The following DCP1B variants were observed in gnomAD, a reference collection of about 807,000 sequenced individuals.
DCP1B encodes the protein decapping mRNA 1B, also known as mRNA-decapping enzyme 1B.
DCP1B carries 47 observed loss-of-function variants against 60.5 expected under a neutral mutation model. That is an observed-to-expected ratio of 0.78 (90% CI 0.61 to 0.99). DCP1B has a LOEUF of 0.99. Ranked by LOEUF, DCP1B falls within the 50% of genes least tolerant of loss-of-function variation. The pLI is 0.00. For synonymous variants in DCP1B, 267 were observed against 280.3 expected (o/e 0.95, Z 0.47); for missense variants, 725 against 756.8 (o/e 0.96, Z 0.49).
chr12:1,956,166 A>T (rs2030878899), intron 5 of DCP1B, among the ~76,000 whole-genome samples: 2 of 152,228 alleles, frequency 1.3e-5, no homozygotes, highest in African/African-American at 2.4e-5. Context: ...GAAAGAGACA[A>T]GAGACAAATC....
intron 3 of DCP1B, among the ~76,000 whole-genome samples, chr12:1,969,358 C>T (rs1394950023): frequency 1.3e-5 from 2 of 152,064 alleles, no homozygotes; most frequent in Non-Finnish European, 2.9e-5. Context: ...ACTCACTTGC[C>T]AAAAGGTGGC....
chr12:1,959,640 T>C (rs779688964), intron 5 of DCP1B, among the ~76,000 whole-genome samples: 3 of 152,172 alleles, frequency 2.0e-5, no homozygotes, highest in Non-Finnish European at 4.4e-5. Flanking sequence ...TTGGTGGGAA[T>C]ATTAGTTAGC....
At chr12:1,942,820 C>G (rs769655549), downstream of DCP1B, among the ~76,000 whole-genome samples, 19 of 152,132 alleles carry the variant, frequency 1.2e-4, no homozygotes, top group Non-Finnish European at 2.4e-4. Flanking sequence ...ATTTATAGCA[C>G]TAAAATGCCT....
At chr12:1,946,688 GTTTT>G (rs1028839398) in intron 8 of DCP1B, among the ~76,000 whole-genome samples, 4 of 152,140 alleles carry the variant, frequency 2.6e-5, no homozygotes, top group Non-Finnish European at 5.9e-5. Context: ...GCTGTGGTGT[GTTTT>G]TTTGTTTCTT....
At chr12:1,953,780 G>A (rs1380692167) in intron 6 of DCP1B, among the ~76,000 whole-genome samples, 1 of 152,162 alleles carries the variant, frequency 6.6e-6, no homozygotes, top group Non-Finnish European at 1.5e-5. Flanking sequence ...AATATATACT[G>A]GTAGGATTTA....
At chr12:1,982,473 T>C (rs1448054276) in intron 3 of DCP1B, among the ~76,000 whole-genome samples, 1 of 152,204 alleles carries the variant, frequency 6.6e-6, no homozygotes, top group Non-Finnish European at 1.5e-5. Context: ...AATCATACAA[T>C]ATTTGTTCTT....
At chr12:1,989,099 G>C (rs2038654600) in intron 3 of DCP1B, among the ~76,000 whole-genome samples, 1 of 152,186 alleles carries the variant, frequency 6.6e-6, no homozygotes, top group African/African-American at 2.4e-5. Context: ...AAATATCCCT[G>C]TCAGCTGGGC....
At position 1,949,106 on chromosome 12, in the gene DCP1B, C is replaced by T. The variant is rs1454411348; in HGVS notation, c.1753G>A (p.Ala585Thr). 2.5e-6 allele frequency: 4 copies of T among 1,613,826 alleles called. No individual in the cohort carries two copies. Among genetic ancestry groups the T allele is most frequent in the East Asian group, 2.2e-5 (1 of 44,872 alleles). ...SPLTKLQLQE[A>T]LLYLIQNDDN... The stretch of plus-strand genomic sequence containing the variant: ...CTTACCTGAATGAGGTACAGCAGTG[C>T]CTCCTGGAGCTGGAGCTTGGTGAGT... The change falls in exon 8 of 9, where the codon GCA becomes ACA. Residue 585 changes from alanine (A) to threonine (T), a missense_variant. By Grantham distance (58) the Ala-to-Thr change is moderately conservative. Transcript: ENST00000280665.
intron 2 of DCP1B, among the ~76,000 whole-genome samples, chr12:1,997,434 C>G (rs572206355): frequency 6.6e-6 from 1 of 152,336 alleles, no homozygotes; most frequent in Non-Finnish European, 1.5e-5. Flanking sequence ...GCAGGAGAAT[C>G]ACTTGAACTC....
intron 3 of DCP1B, chr12:1,992,846 T>C: frequency 2.6e-6 from 1 of 390,334 alleles, no homozygotes; most frequent in Non-Finnish European, 4.6e-6. Context: ...TCAAACACTT[T>C]GTCAGCTCAC....
In DCP1B at chr12:1,953,156, C is replaced by T. The variant is rs753546462; in HGVS notation, c.784G>A (p.Glu262Lys). ...QQQQQQQQQQ[E>K]KLPIRQGVVR... Reference sequence around the variant, plus strand: ...ACCCCCTGCCTAATTGGAAGCTTCTCTTGCTGCTGCTGCTGCTGCTGCTGC... The same window carrying T: ...ACCCCCTGCCTAATTGGAAGCTTCTTTTGCTGCTGCTGCTGCTGCTGCTGC... Residue 262 changes from glutamate (E) to lysine (K), a missense_variant, in exon 7 of 9, where the codon GAG (glutamate) becomes AAG (lysine). Physicochemically the swap from Glu to Lys is moderately conservative, Grantham distance 56 (BLOSUM62 1). Coordinates refer to ENST00000280665, the MANE Select transcript of DCP1B (RefSeq NM_152640.5). 6 of 1,562,312 alleles carry T rather than the reference C, an allele frequency of 3.8e-6. No individual in the cohort carries two copies. The highest frequency in any genetic ancestry group is 5.2e-6 in the Non-Finnish European group (6 of 1,159,278).
At chr12:1,980,443 T>C (rs1455195114) in intron 3 of DCP1B, among the ~76,000 whole-genome samples, 1 of 152,150 alleles carries the variant, frequency 6.6e-6, no homozygotes, top group Non-Finnish European at 1.5e-5. Flanking sequence ...CTGTTGTTAA[T>C]TTCTAAGTGT....
chr12:1,965,504 T>C (rs537730693), intron 5 of DCP1B, 54 bp downstream of exon 5: 21 of 1,526,846 alleles, frequency 1.4e-5, no homozygotes, highest in Non-Finnish European at 1.8e-5. Context: ...AACAAGAATA[T>C]TCCCACTGCG....
intron 2 of DCP1B, among the ~76,000 whole-genome samples, chr12:1,994,665 G>A (rs1373827596): frequency 1.3e-5 from 2 of 152,164 alleles, no homozygotes; most frequent in Non-Finnish European, 2.9e-5. Flanking sequence ...AGAAAGGAAG[G>A]CATGGGAGGA....
rs181969069 is a variant in DCP1B at position 1,952,763 on chromosome 12, G to A, written c.1177C>T (p.Pro393Ser). 2.0e-5 allele frequency: 33 copies of A among 1,614,172 alleles called. No individual in the cohort carries two copies. In the East Asian group the frequency reaches 2.7e-4, roughly 13 times the overall value. ...GCCAGACCCTTTCCTGGAGCCACAGGGGTGACAGAAGTGGGAGCTCTGCTG... is the reference window on the plus strand; with the variant it reads ...GCCAGACCCTTTCCTGGAGCCACAGAGGTGACAGAAGTGGGAGCTCTGCTG... The part of the protein sequence containing the change: ...NRSRAPTSVT[P>S]VAPGKGLAQP... The change falls in exon 7 of 9, where the codon CCT (proline) becomes TCT (serine). Residue 393 changes from proline (P) to serine (S), a missense_variant. Physicochemically the swap from Pro to Ser is moderately conservative, Grantham distance 74. Transcript: ENST00000280665.
At chr12:1,981,935 C>T (rs984059008) in intron 3 of DCP1B, among the ~76,000 whole-genome samples, 1 of 152,126 alleles carries the variant, frequency 6.6e-6, no homozygotes, top group Non-Finnish European at 1.5e-5. Flanking sequence ...TAGTTGTTTG[C>T]TTGGAGCATT....
At chr12:2,000,317 AAC>A (rs2041893550) in intron 1 of DCP1B, among the ~76,000 whole-genome samples, 1 of 152,210 alleles carries the variant, frequency 6.6e-6, no homozygotes, top group Admixed American at 6.5e-5. Flanking sequence ...ACAAGATCAA[AAC>A]ACTCTCCTGG....
chr12:2,003,774 T>C (rs1437927977), intron 1 of DCP1B, among the ~76,000 whole-genome samples: 1 of 152,232 alleles, frequency 6.6e-6, no homozygotes, highest in African/African-American at 2.4e-5. Context: ...GCTCTTTTCT[T>C]GGTGTTTCCC....
chr12:1,984,098 T>A (rs565642171), intron 3 of DCP1B, among the ~76,000 whole-genome samples: 1 of 152,218 alleles, frequency 6.6e-6, no homozygotes, highest in South Asian at 2.1e-4. Flanking sequence ...TTCATCCTTT[T>A]ACCTTTAACC....
Sources: gnomAD v4.1 joint callset for allele counts (sites outside exome capture counted in the v4.1 genomes callset) on GRCh38, gnomAD v4.1.1 for gene constraint, MANE v1.5 for transcripts, NCBI Gene and HGNC (gene_info 2026-07-23, HGNC 2026-07-21) for gene names.